The following PSTPIP1 variants were observed in gnomAD, a reference collection of about 807,000 sequenced individuals.
PSTPIP1 encodes the protein proline-serine-threonine phosphatase interacting protein 1, also known as proline-serine-threonine phosphatase-interacting protein 1.
In PSTPIP1, 66 loss-of-function variants were observed where a neutral mutation model predicts 69.6. The ratio of observed to expected loss-of-function variants is 0.95; its 90% CI spans 0.78 to 1.16. The LOEUF is 1.16. PSTPIP1 is among the 50% of genes most tolerant of loss of function. The probability of loss-of-function intolerance (pLI) is 0.00; values close to 1 mark genes in which losing one functional copy is unlikely to be tolerated. For synonymous variants in PSTPIP1, 266 were observed against 222.7 expected (o/e 1.19, Z -1.73); for missense variants, 603 against 557.4 (o/e 1.08, Z -0.82).
chr15:77,028,701 G>A (rs750599218), intron 7 of PSTPIP1, 49 bp downstream of exon 7: 5 of 1,435,412 alleles, frequency 3.5e-6, no homozygotes, highest in African/African-American at 1.4e-5. Context: ...TGGGGGCAGT[G>A]GGGGAGGCAA....
intron 1 of PSTPIP1, among the ~76,000 whole-genome samples, chr15:77,014,135 A>T (rs1381614562): frequency 6.6e-6 from 1 of 152,066 alleles, no homozygotes; most frequent in African/African-American, 2.4e-5. Flanking sequence ...GTGGCTTGGG[A>T]TATCTGGGTT....
At chr15:77,016,028 G>A in intron 1 of PSTPIP1, 1 of 456,282 alleles carries the variant, frequency 2.2e-6, no homozygotes. Flanking sequence ...TCCACTCTGG[G>A]GGCCTCCATA....
At chr15:77,007,740 A>C in intron 1 of PSTPIP1, 3 of 360,462 alleles carry the variant, frequency 8.3e-6, no homozygotes, top group South Asian at 6.1e-5. Flanking sequence ...GACTACAGGC[A>C]CCCACCACCA....
intron 13 of PSTPIP1, 84 bp from the exon 14 acceptor site, chr15:77,035,718 G>C (rs182793342): frequency 6.6e-7 from 1 of 1,513,228 alleles, no homozygotes; most frequent in African/African-American, 1.4e-5. Flanking sequence ...GCAGGGCCCA[G>C]CATGGAGAAA....
At chr15:77,017,137 C>T (rs1008600574) in intron 1 of PSTPIP1, among the ~76,000 whole-genome samples, 4 of 152,180 alleles carry the variant, frequency 2.6e-5, no homozygotes, top group East Asian at 1.9e-4. Context: ...AGTAAGCCTG[C>T]GTGCAGTGCC....
At chr15:77,020,871 G>C (rs752373915) in intron 3 of PSTPIP1, among the ~76,000 whole-genome samples, 20 of 49,106 alleles carry the variant, frequency 4.1e-4, no homozygotes, top group South Asian at 3.0e-3. Flanking sequence ...ACTCCTGTGG[G>C]GGGGGGGGGT....
rs140787369 is a variant in PSTPIP1, at chr15:77,008,359, A to G, written c.37-9789A>G. Among the ~76,000 whole-genome samples the G allele has an allele frequency of 1.1e-3, 162 of 152,232 alleles. 1 individual carries two copies. Among genetic ancestry groups the G allele is most frequent in the African/African-American group, 3.7e-3 (155 of 41,540 alleles). ...AGAAATTTCATCCCCGTCCTCAGAT[A>G]ACTCCCAGTCCTCAAGGGAAGGAGC... On this transcript the variant is annotated intron_variant, in intron 1 of 14. Transcript: ENST00000558012.
At chr15:77,008,205 T>C (rs2075859180) in intron 1 of PSTPIP1, 1 of 370,106 alleles carries the variant, frequency 2.7e-6, no homozygotes, top group Admixed American at 3.1e-5. Context: ...GTGGGGTGTT[T>C]GGGGATATCT....
intron 1 of PSTPIP1, 100 bp from the exon 2 acceptor site, chr15:77,018,048 G>T: frequency 1.6e-6 from 2 of 1,216,388 alleles, no homozygotes; most frequent in Non-Finnish European, 1.2e-6. Flanking sequence ...ATGGAGGCAG[G>T]AGGGAGGCTG....
At chr15:77,002,017 C>G (rs1326590437) in intron 1 of PSTPIP1, among the ~76,000 whole-genome samples, 1 of 152,254 alleles carries the variant, frequency 6.6e-6, no homozygotes, top group African/African-American at 2.4e-5. Flanking sequence ...ACATTTATTT[C>G]AAGTCCCATG....
At chr15:76,995,772 C>G (rs193136723) in intron 1 of PSTPIP1, among the ~76,000 whole-genome samples, 163 bp downstream of exon 1, 13 of 152,242 alleles carry the variant, frequency 8.5e-5, no homozygotes, top group Admixed American at 1.3e-4. Context: ...GCCCCCACCC[C>G]TTCTGGACTG....
In PSTPIP1 at chr15:76,995,147, G is replaced by T. The variant is rs554509151; in HGVS notation, c.-427G>T. 3.9e-6 allele frequency: 4 copies of T among 1,031,204 alleles called. No individual in the cohort carries two copies. Among genetic ancestry groups the T allele is most frequent in the Non-Finnish European group, 4.9e-6 (4 of 820,506 alleles). The allele number at this position is 1,031,204 out of a possible 1,614,324, so 63.9% of individuals were successfully genotyped here. On this transcript the variant is annotated 5_prime_UTR_variant, in exon 1 of 15. Coordinates refer to ENST00000558012, the MANE Select transcript of PSTPIP1 (RefSeq NM_003978.5). ...GCACAAACCTTCCTGCGCAGGCCTC[G>T]GGCTGCCTGCCTGCCTGCCTGCCTG...
chr15:76,994,684 T>C (rs1321219111), upstream of PSTPIP1: 2 of 1,149,592 alleles, frequency 1.7e-6, no homozygotes, highest in Non-Finnish European at 2.3e-6. Context: ...CTGCTCACCT[T>C]GCCTCTGTGT....
chr15:77,026,261 G>C, intron 5 of PSTPIP1: 1 of 452,862 alleles, frequency 2.2e-6, no homozygotes, highest in East Asian at 7.0e-5. Flanking sequence ...GCAGGACGCA[G>C]ACTGGCCTGG....
In PSTPIP1 at chr15:77,000,003, A is replaced by C. The variant is rs113687128; in HGVS notation, c.36+4394A>C. 1.4e-3 allele frequency among the ~76,000 whole-genome samples: 217 copies of C among 152,258 alleles called. 2 individuals are homozygous for C. The highest frequency in any genetic ancestry group is 4.6e-3 in the African/African-American group (193 of 41,558). ...ACATGCACTGCAGTGACTGTCACCC[A>C]CCCTTTGGGTGGGAACCACCAAGGG... On this transcript the variant is annotated intron_variant, in intron 1 of 14. Coordinates refer to ENST00000558012, the MANE Select transcript of PSTPIP1 (RefSeq NM_003978.5).
At chr15:77,026,769 C>T (rs1198044587) in intron 5 of PSTPIP1, among the ~76,000 whole-genome samples, 8 of 152,238 alleles carry the variant, frequency 5.3e-5, no homozygotes, top group Admixed American at 1.3e-4. Flanking sequence ...CTTGAGGTGC[C>T]GGAGCAGGCA....
rs2076361927 is a variant in PSTPIP1 at position 77,029,451 on chromosome 15, CA to C, written c.517-77del. On this transcript the variant is annotated intron_variant, in intron 7 of 14. Transcript: ENST00000558012. ...CCCCAGGGTGGCCGGGGAAGCTTGA[CA>C]GTCACTTCAGGTCTGCTGGGGTGGG... 8.6e-6 allele frequency: 13 copies of C among 1,507,132 alleles called. No individual in the cohort carries two copies. The South Asian group carries it at 1.1e-4, about 13-fold the overall frequency. 93.4% of individuals were successfully genotyped at this position (1,507,132 alleles called of 1,614,324 possible). A position where few individuals can be genotyped will look rare whatever the true frequency, so the allele number is the denominator to read the frequency against.
At chr15:77,035,431 C>A in intron 12 of PSTPIP1, 77 bp from the exon 13 acceptor site, 1 of 1,446,746 alleles carries the variant, frequency 6.9e-7, no homozygotes, top group Non-Finnish European at 9.5e-7. Context: ...GAGACCTCTC[C>A]CTGTCTAAAC....
rs990169908 is a variant in PSTPIP1 at position 76,995,316 on chromosome 15, G to A, written c.-258G>A. On this transcript the variant is annotated 5_prime_UTR_variant, in exon 1 of 15. Transcript: ENST00000558012. ...GGGGCTGGGCTGGACACCAGGGCCC[G>A]CCCTCCCATCACTGAGCTCCACTCC... 1.2e-5 allele frequency: 16 copies of A among 1,386,888 alleles called. No individual in the cohort carries two copies. The highest frequency in any genetic ancestry group is 4.4e-5 in the African/African-American group (3 of 68,476). The allele number at this position is 1,386,888 out of a possible 1,614,324, so 85.9% of individuals were successfully genotyped here.
Sources: allele counts gnomAD v4.1 joint callset (sites outside exome capture counted in the v4.1 genomes callset), GRCh38; gene constraint gnomAD v4.1.1; transcripts MANE v1.5; gene names NCBI Gene and HGNC (gene_info 2026-07-23, HGNC 2026-07-21).